Variants in BCL9 observed in about 807,000 individuals in gnomAD.
The protein encoded by BCL9 is BCL9 transcription coactivator, also known as B-cell CLL/lymphoma 9 protein.
In BCL9, 25 loss-of-function variants were observed where a neutral mutation model predicts 88.5. The ratio of observed to expected loss-of-function variants is 0.28; its 90% CI spans 0.21 to 0.39. BCL9 has a LOEUF of 0.39. BCL9 is among the 10% of genes least tolerant of loss of function. The probability of loss-of-function intolerance (pLI) is 1.00; values close to 1 mark genes in which losing one functional copy is unlikely to be tolerated. For synonymous variants in BCL9, 711 were observed against 673.3 expected, an observed-to-expected ratio of 1.06 and a Z score of -0.87; for missense variants, 1,817 against 1,877.8, an observed-to-expected ratio of 0.97 and a Z score of 0.60.
chr1:147,584,428 T>A (rs906185467), intron 1 of BCL9, among the ~76,000 whole-genome samples: 7 of 152,330 alleles, frequency 4.6e-5, no homozygotes, highest in African/African-American at 1.7e-4. Flanking sequence ...TCTGGAATTA[T>A]TTGTTTTATA....
chr1:147,618,767 C>T, intron 7 of BCL9, 49 bp from the exon 8 acceptor site: 2 of 1,433,988 alleles, frequency 1.4e-6, no homozygotes, highest in Non-Finnish European at 1.8e-6. Context: ...TTTTAATTGC[C>T]CTTCTGTTCA....
chr1:147,581,428 G>T (rs2101550464), intron 1 of BCL9, among the ~76,000 whole-genome samples: 1 of 152,272 alleles, frequency 6.6e-6, no homozygotes, highest in South Asian at 2.1e-4. Flanking sequence ...AATGCATCAA[G>T]GTGTAAGTGG....
At chr1:147,606,461 T>C (rs1157968091) in intron 2 of BCL9, among the ~76,000 whole-genome samples, 2 of 152,214 alleles carry the variant, frequency 1.3e-5, no homozygotes, top group African/African-American at 2.4e-5. Context: ...AGCAAAATTA[T>C]GAGGAGTTTC....
rs587708014 is a variant in BCL9, at chr1:147,605,211, T to C, written c.-343+300T>C. ...GTTGTGTGTGAATGCAAGGTAAAGG[T>C]AGCAATACACAAGCCCCAAGCTCAT... On this transcript the variant is annotated intron_variant, in intron 2 of 9. Transcript: ENST00000234739. Among the ~76,000 whole-genome samples, 6 of 152,290 alleles carry C rather than the reference T, an allele frequency of 3.9e-5. 1 individual carries two copies. Among genetic ancestry groups the C allele is most frequent in the African/African-American group, 1.4e-4 (6 of 41,560 alleles).
intron 1 of BCL9, among the ~76,000 whole-genome samples, chr1:147,593,204 C>A (rs1056748770): frequency 6.6e-6 from 1 of 152,224 alleles, no homozygotes; most frequent in Non-Finnish European, 1.5e-5. Context: ...CAGATTGCCT[C>A]AAGTGCTTCC....
chr1:147,599,358 C>G (rs1204409442), intron 1 of BCL9, among the ~76,000 whole-genome samples: 3 of 152,184 alleles, frequency 2.0e-5, no homozygotes, highest in Non-Finnish European at 4.4e-5. Context: ...AGGAGGTGGC[C>G]TTGAAGGTTG....
chr1:147,582,207 G>T (rs1054244024), intron 1 of BCL9, among the ~76,000 whole-genome samples: 3 of 152,174 alleles, frequency 2.0e-5, no homozygotes, highest in Non-Finnish European at 4.4e-5. Context: ...GTGATAAAAC[G>T]TTTCTGTGAA....
At chr1:147,595,369 T>A (rs1432818152) in intron 1 of BCL9, among the ~76,000 whole-genome samples, 1 of 152,214 alleles carries the variant, frequency 6.6e-6, no homozygotes, top group Non-Finnish European at 1.5e-5. Flanking sequence ...AATAGTTGGG[T>A]AGTAATTCTA....
chr1:147,582,322 C>G (rs1490855783), intron 1 of BCL9, among the ~76,000 whole-genome samples: 1 of 152,130 alleles, frequency 6.6e-6, no homozygotes, highest in African/African-American at 2.4e-5. Flanking sequence ...AATTTCTGTC[C>G]AAGTTTCTCC....
At position 147,570,630 on chromosome 1, in the gene BCL9, C is replaced by CTTTTCTTTTTTTTT. The variant is rs1357272075; in HGVS notation, c.-478+28960_-478+28961insCTTTTTTTTTTTTT. 2.0e-4 allele frequency among the ~76,000 whole-genome samples: 3 copies of CTTTTCTTTTTTTTT among 15,180 alleles called. 1 individual carries two copies. The highest frequency in any genetic ancestry group is 1.2e-4 in the Non-Finnish European group (1 of 8,440). 10.0% of individuals were successfully genotyped at this position (15,180 alleles called of 152,430 possible). A position where few individuals can be genotyped will look rare whatever the true frequency, so the allele number is the denominator to read the frequency against. ...TAACACAAAATTGTTGACTGATTTT[C>CTTTTCTTTTTTTTT]TTTTTTTTCTTTTTTTTTTTTGTAG... On this transcript the variant is annotated intron_variant, in intron 1 of 9. Coordinates refer to ENST00000234739, the MANE Select transcript of BCL9 (RefSeq NM_004326.4).
intron 1 of BCL9, among the ~76,000 whole-genome samples, chr1:147,555,332 T>C (rs587755360): frequency 3.9e-5 from 6 of 152,346 alleles, no homozygotes; most frequent in Admixed American, 2.0e-4. Context: ...ACTCCTACTC[T>C]ATACTTTGGC....
At chr1:147,576,059 G>C (rs587594321) in intron 1 of BCL9, among the ~76,000 whole-genome samples, 1 of 151,858 alleles carries the variant, frequency 6.6e-6, no homozygotes, top group Admixed American at 6.6e-5. Context: ...GATGCATTGC[G>C]GGGGAATAAG....
At chr1:147,600,792 A>AGG (rs1229087113) in intron 1 of BCL9, among the ~76,000 whole-genome samples, 1 of 151,698 alleles carries the variant, frequency 6.6e-6, no homozygotes, top group African/African-American at 2.4e-5. Context: ...GTTGAAGGGT[A>AGG]GGGGAGGTGG....
chr1:147,624,244 A>G lies in BCL9; in HGVS notation c.3566A>G (p.Asp1189Gly), dbSNP rs781915310. 1.9e-6 allele frequency: 3 copies of G among 1,614,142 alleles called. No homozygotes were observed. In the Admixed American group the frequency reaches 5.0e-5, roughly 27 times the overall value. ...RPSNLPQSSA[D>G]AALCKPGGPG... ...AGCAACCTGCCCCAAAGTTCAGCAG[A>G]TGCAGCACTTTGCAAGCCTGGAGGC... is the stretch of plus-strand genomic sequence containing the variant. The change falls in exon 10 of 10, where the codon GAT (aspartate) becomes GGT (glycine). Residue 1189 changes from aspartate to glycine, a missense_variant. By Grantham distance (94) the Asp-to-Gly change is moderately conservative (BLOSUM62 -1). Coordinates refer to ENST00000234739, the MANE Select transcript of BCL9 (RefSeq NM_004326.4). This position sits in a 1 kb window ranked among gnomAD's most constrained non-coding sequence, Gnocchi z 4.4.
chr1:147,616,206 T>C (rs782130464), intron 7 of BCL9, among the ~76,000 whole-genome samples: 6 of 152,202 alleles, frequency 3.9e-5, no homozygotes, highest in Non-Finnish European at 5.9e-5. Flanking sequence ...ATTCAGACCC[T>C]GTGTACAGAG....
Position 147,625,234 on chromosome 1 carries a change from CTGTAGCTGTGCTT to C in BCL9, c.*278_*290del. 2.4e-6 allele frequency: 1 copy of C among 411,770 alleles called. No homozygotes were observed. Among genetic ancestry groups the C allele is most frequent in the Non-Finnish European group, 4.4e-6 (1 of 228,754 alleles). 25.5% of individuals were successfully genotyped at this position (411,770 alleles called of 1,614,324 possible). On this transcript the variant is annotated 3_prime_UTR_variant, in exon 10 of 10. Transcript: ENST00000234739. ...AATGATGGCACCTACTTTTGGGAATCTGTAGCTGTGCTTTGAGAATTGCCATCGGTCATGTGTT... is the reference window on the plus strand; with the variant it reads ...AATGATGGCACCTACTTTTGGGAATCTGAGAATTGCCATCGGTCATGTGTT...
chr1:147,543,833 C>A (rs587721931), intron 1 of BCL9, among the ~76,000 whole-genome samples: 5 of 152,170 alleles, frequency 3.3e-5, no homozygotes, highest in Non-Finnish European at 5.9e-5. Flanking sequence ...TGCCGGGTAC[C>A]CTTACCTCAC....
intron 1 of BCL9, among the ~76,000 whole-genome samples, chr1:147,579,877 A>G (rs1443424699): frequency 6.6e-6 from 1 of 152,192 alleles, no homozygotes; most frequent in Admixed American, 6.5e-5. Context: ...CTTCCTGACT[A>G]TCACTTTGGG....
chr1:147,558,233 G>A (rs1655206613), intron 1 of BCL9, among the ~76,000 whole-genome samples: 1 of 152,108 alleles, frequency 6.6e-6, no homozygotes, highest in Non-Finnish European at 1.5e-5. Context: ...CAGAGCTGCG[G>A]TTTGACCCAG....
Sources: allele counts gnomAD v4.1 joint callset (sites outside exome capture counted in the v4.1 genomes callset), GRCh38; gene constraint gnomAD v4.1.1; non-coding constraint Gnocchi (gnomAD v3.1); transcripts MANE v1.5; gene names NCBI Gene and HGNC (gene_info 2026-07-23, HGNC 2026-07-21).